Variants in TMEM26 observed in about 807,000 individuals in gnomAD.
TMEM26 encodes transmembrane protein 26.
A neutral mutation model predicts 28.8 loss-of-function variants in TMEM26; 38 were observed. That is an observed-to-expected ratio of 1.32 (90% confidence interval 1.02 to 1.73). The LOEUF (loss-of-function observed/expected upper bound fraction) is 1.73, where lower values mean the gene tolerates loss of function less well. Among genes scored for constraint, TMEM26 ranks in the 40% most tolerant of loss-of-function variants. The probability of loss-of-function intolerance (pLI) is 0.00; values close to 1 mark genes in which losing one functional copy is unlikely to be tolerated. For synonymous variants in TMEM26, 227 were observed against 182.9 expected (o/e 1.24, Z -1.95); for missense variants, 518 against 447.1 (o/e 1.16, Z -1.43).
chr10:61,436,118 G>A (rs969985112), intron 2 of TMEM26, 52 bp downstream of exon 2: 2 of 1,176,212 alleles, frequency 1.7e-6, no homozygotes, highest in African/African-American at 3.1e-5. Flanking sequence ...ATCATACTGT[G>A]AAAGTAGCTT....
At position 61,429,041 on chromosome 10, in the gene TMEM26, G is replaced by A; in HGVS notation, c.490C>T (p.Pro164Ser). The A allele has an allele frequency of 6.2e-7, 1 of 1,613,258 alleles. No individual in the cohort carries two copies. The change falls in exon 4 of 6, where the codon CCC becomes TCC. Residue 164 changes from proline (P) to serine (S), a missense_variant. By Grantham distance (74) the Pro-to-Ser change is moderately conservative. Coordinates refer to ENST00000399298, the MANE Select transcript of TMEM26 (RefSeq NM_178505.8). ...LMLIIGRWLL[P>S]IGGGITRDQL... Reference sequence around the variant, plus strand: ...TCTCGAGTGATCCCGCCTCCAATGGGTAGAAGCCATCTTCCAATTATTAGC... The same window carrying A: ...TCTCGAGTGATCCCGCCTCCAATGGATAGAAGCCATCTTCCAATTATTAGC...
At chr10:61,418,289 C>T (rs1325205124) in intron 4 of TMEM26, among the ~76,000 whole-genome samples, 5 of 151,952 alleles carry the variant, frequency 3.3e-5, no homozygotes, top group Non-Finnish European at 5.9e-5. Context: ...GTAATTGGCA[C>T]TTTTCAAAGT....
chr10:61,416,873 T>C (rs886176653), intron 4 of TMEM26, among the ~76,000 whole-genome samples: 6 of 152,040 alleles, frequency 3.9e-5, no homozygotes, highest in Admixed American at 1.3e-4. Context: ...TAGCCCTACA[T>C]AAATCCAACT....
At chr10:61,450,269 C>T (rs1191138662) in intron 1 of TMEM26, among the ~76,000 whole-genome samples, 1 of 152,068 alleles carries the variant, frequency 6.6e-6, no homozygotes, top group East Asian at 1.9e-4. Flanking sequence ...TACTTCATCT[C>T]TATTTAATTC....
intron 1 of TMEM26, among the ~76,000 whole-genome samples, chr10:61,448,049 T>A (rs1164600244): frequency 6.6e-6 from 1 of 152,282 alleles, no homozygotes; most frequent in Non-Finnish European, 1.5e-5. Flanking sequence ...AGTACTTGAA[T>A]AATGCCTGAC....
At position 61,431,352 on chromosome 10, in the gene TMEM26, A is replaced by C. The variant is rs1839919703; in HGVS notation, c.271-20T>G. ...GCAATACTAAGAATGGGGTCAGGGA[A>C]GGCAATTATGGCAAAAAATTAGCAC... is the stretch of plus-strand genomic sequence containing the variant. On this transcript the variant is annotated intron_variant, in intron 2 of 5. Coordinates refer to ENST00000399298, the MANE Select transcript of TMEM26 (RefSeq NM_178505.8). 6.2e-7 allele frequency: 1 copy of C among 1,602,118 alleles called. No homozygotes were observed. The highest frequency in any genetic ancestry group is 2.2e-5 in the East Asian group (1 of 44,738).
chr10:61,422,385 G>A (rs967039437), intron 4 of TMEM26, among the ~76,000 whole-genome samples: 3 of 152,026 alleles, frequency 2.0e-5, no homozygotes, highest in African/African-American at 7.2e-5. Context: ...TGCATCTCCA[G>A]ATAGGCCATA....
rs1191178083 is a variant in TMEM26, at chr10:61,453,219, C to G, written c.-138G>C. ...GCTTGTGGTCCCTTCTCACCCTCAG[C>G]GCCCGATGCCGGTAGAACTGGTGCG... On this transcript the variant is annotated 5_prime_UTR_variant, in exon 1 of 6. Coordinates refer to ENST00000399298, the MANE Select transcript of TMEM26 (RefSeq NM_178505.8). 1.2e-6 allele frequency: 1 copy of G among 854,288 alleles called. No individual in the cohort carries two copies. Among genetic ancestry groups the G allele is most frequent in the Non-Finnish European group, 1.8e-6 (1 of 564,606 alleles). The allele number at this position is 854,288 out of a possible 1,614,324, so 52.9% of individuals were successfully genotyped here.
rs911487894 is a variant in TMEM26, at chr10:61,452,843, C to A, written c.191+48G>T. The A allele has an allele frequency of 2.5e-6, 4 of 1,582,786 alleles. No homozygotes were observed. In the African/African-American group the frequency reaches 4.0e-5, roughly 16 times the overall value. ...GATGGCCTGCGAGTGCGGTGGGGGA[C>A]AATACCCTAGGGCCCCGTGCGCCCT... On this transcript the variant is annotated intron_variant, in intron 1 of 5. Coordinates refer to ENST00000399298, the MANE Select transcript of TMEM26 (RefSeq NM_178505.8).
At position 61,407,532 on chromosome 10, in the gene TMEM26, T is replaced by C. The variant is rs1341197585; in HGVS notation, c.*2790A>G. The stretch of plus-strand genomic sequence containing the variant: ...ACTAATGTTACTATGTCAAGTCATG[T>C]CCTCTGAGAGTCATCCAGTAAGGGC... On this transcript the variant is annotated 3_prime_UTR_variant, in exon 6 of 6. Coordinates refer to ENST00000399298, the MANE Select transcript of TMEM26 (RefSeq NM_178505.8). 2 of 152,146 alleles carry C rather than the reference T, an allele frequency of 1.3e-5. No homozygotes were observed. Among genetic ancestry groups the C allele is most frequent in the African/African-American group, 4.8e-5 (2 of 41,440 alleles). 9.4% of individuals were successfully genotyped at this position (152,146 alleles called of 1,614,324 possible). A position where few individuals can be genotyped will look rare whatever the true frequency, so the allele number is the denominator to read the frequency against.
chr10:61,429,041 G>C lies in TMEM26; in HGVS notation c.490C>G (p.Pro164Ala), dbSNP rs763176456. ...LMLIIGRWLL[P>A]IGGGITRDQL... is the part of the protein sequence containing the mutation. ...TCTCGAGTGATCCCGCCTCCAATGGGTAGAAGCCATCTTCCAATTATTAGC... is the reference window on the plus strand; with the variant it reads ...TCTCGAGTGATCCCGCCTCCAATGGCTAGAAGCCATCTTCCAATTATTAGC... The change falls in exon 4 of 6, where the codon CCC becomes GCC. Residue 164 changes from proline (P) to alanine (A), a missense_variant. Pro to Ala is a conservative substitution (Grantham distance 27, BLOSUM62 -1). Transcript: ENST00000399298. The C allele has an allele frequency of 6.2e-7, 1 of 1,613,258 alleles. No individual in the cohort carries two copies. The highest frequency in any genetic ancestry group is 8.5e-7 in the Non-Finnish European group (1 of 1,179,452).
At position 61,410,126 on chromosome 10, in the gene TMEM26, T is replaced by C; in HGVS notation, c.*196A>G. 1 of 599,348 alleles carries C rather than the reference T, an allele frequency of 1.7e-6. No homozygotes were observed. The highest frequency in any genetic ancestry group is 3.0e-5 in the Admixed American group (1 of 32,944). The allele number at this position is 599,348 out of a possible 1,614,324, so 37.1% of individuals were successfully genotyped here. On this transcript the variant is annotated 3_prime_UTR_variant, in exon 6 of 6. Transcript: ENST00000399298. ...AACATCTGATACCATCACACAGAAG[T>C]TGTAGCAATAGTCACTAATCAAAGT...
intron 1 of TMEM26, among the ~76,000 whole-genome samples, chr10:61,444,272 C>A (rs942614101): frequency 6.6e-6 from 1 of 152,088 alleles, no homozygotes; most frequent in Admixed American, 6.5e-5. Context: ...GCATCTGGTA[C>A]AATAAATGCT....
chr10:61,448,524 T>A (rs1322350227), intron 1 of TMEM26, among the ~76,000 whole-genome samples: 2 of 152,170 alleles, frequency 1.3e-5, no homozygotes, highest in African/African-American at 2.4e-5. Flanking sequence ...TAGGAAATGC[T>A]AAATATTCAT....
intron 5 of TMEM26, among the ~76,000 whole-genome samples, chr10:61,412,240 G>T (rs935822342): frequency 3.3e-5 from 5 of 151,598 alleles, no homozygotes; most frequent in Admixed American, 2.6e-4. Flanking sequence ...GGCACATTAT[G>T]ACAAAATCTG....
chr10:61,438,643 A>T (rs1166723043), intron 1 of TMEM26, among the ~76,000 whole-genome samples: 1 of 152,212 alleles, frequency 6.6e-6, no homozygotes, highest in Non-Finnish European at 1.5e-5. Context: ...AAAAAGTACT[A>T]TCCTGTTTCA....
intron 4 of TMEM26, among the ~76,000 whole-genome samples, chr10:61,419,488 G>A (rs1023382497): frequency 2.0e-5 from 3 of 151,948 alleles, no homozygotes; most frequent in African/African-American, 7.3e-5. Flanking sequence ...CTATGAAAAT[G>A]GTTAAATAGA....
chr10:61,412,965 G>C (rs1292146396), intron 5 of TMEM26: 2 of 1,287,364 alleles, frequency 1.6e-6, no homozygotes, highest in Non-Finnish European at 2.0e-6. Flanking sequence ...AATTTTAACT[G>C]CTCCTATGTC....
chr10:61,444,543 T>A (rs545045098), intron 1 of TMEM26, among the ~76,000 whole-genome samples: 162 of 151,948 alleles, frequency 1.1e-3, no homozygotes, highest in African/African-American at 3.6e-3. Context: ...TGCAAGAGTG[T>A]ATCTGAGCCA....
Sources: gnomAD v4.1 joint callset for allele counts (sites outside exome capture counted in the v4.1 genomes callset) on GRCh38, gnomAD v4.1.1 for gene constraint, MANE v1.5 for transcripts, NCBI Gene and HGNC (gene_info 2026-07-23, HGNC 2026-07-21) for gene names.